Variants in YTHDC2 observed in about 807,000 individuals in gnomAD.
YTHDC2 encodes 3'-5' RNA helicase YTHDC2.
Under a neutral mutation model 174.9 loss-of-function variants are expected in YTHDC2, and 45 were observed. The observed-to-expected ratio is 0.26, with a 90% CI of 0.20 to 0.33. The LOEUF is 0.33. YTHDC2 is among the 10% of genes least tolerant of loss of function. The pLI, the probability that YTHDC2 is intolerant of heterozygous loss-of-function variation, is 1.00. For missense variants in YTHDC2, 1,650 were observed against 1,723.7 expected (o/e 0.96, Z 0.76); for synonymous variants, 657 against 574.5 (o/e 1.14, Z -2.05).
chr5:113,537,566 G>A (rs1015057792), intron 7 of YTHDC2, among the ~76,000 whole-genome samples: 3 of 146,042 alleles, frequency 2.1e-5, no homozygotes, highest in Non-Finnish European at 3.0e-5. Flanking sequence ...TGTTCGTTCC[G>A]TCTTCCTTCC....
At chr5:113,590,743 A>G (rs1306137772) in intron 26 of YTHDC2, among the ~76,000 whole-genome samples, 1 of 152,138 alleles carries the variant, frequency 6.6e-6, no homozygotes, top group Non-Finnish European at 1.5e-5. Context: ...TTGTTTTCTG[A>G]TTTTGAAAGT....
intron 7 of YTHDC2, among the ~76,000 whole-genome samples, chr5:113,537,242 T>C (rs1188683002): frequency 6.6e-6 from 1 of 152,214 alleles, no homozygotes; most frequent in Non-Finnish European, 1.5e-5. Context: ...TATAAGGCTA[T>C]TTATTTGAAT....
chr5:113,559,417 C>T (rs914187984), intron 17 of YTHDC2, among the ~76,000 whole-genome samples: 3 of 152,116 alleles, frequency 2.0e-5, no homozygotes, highest in Non-Finnish European at 4.4e-5. Flanking sequence ...GAGCAAATAT[C>T]ACATTTATGG....
intron 6 of YTHDC2, 45 bp downstream of exon 6, chr5:113,534,452 A>G (rs1774915858): frequency 6.6e-7 from 1 of 1,525,066 alleles, no homozygotes; most frequent in East Asian, 2.3e-5. Flanking sequence ...AGATTGCTTA[A>G]AATTTAAATA....
intron 26 of YTHDC2, among the ~76,000 whole-genome samples, chr5:113,588,422 G>C (rs1220750411): frequency 9.9e-5 from 15 of 151,908 alleles, no homozygotes; most frequent in Admixed American, 6.6e-4. Flanking sequence ...TTCATGAGGG[G>C]TATTATTCTG....
At chr5:113,586,119 C>T in intron 26 of YTHDC2, among the ~76,000 whole-genome samples, 1 of 152,064 alleles carries the variant, frequency 6.6e-6, no homozygotes, top group East Asian at 1.9e-4. Flanking sequence ...TTTTGCATTT[C>T]CTTTAACAAT....
rs1159754942 is a variant in YTHDC2, at chr5:113,545,728, A to ATTT, written c.1496-2785_1496-2783dup. Among the ~76,000 whole-genome samples, 17 of 49,482 alleles carry ATTT rather than the reference A, an allele frequency of 3.4e-4. 2 individuals carry two copies. Among genetic ancestry groups the ATTT allele is most frequent in the South Asian group, 1.6e-3 (3 of 1,862 alleles). The allele number at this position is 49,482 out of a possible 152,430, so 32.5% of individuals were successfully genotyped here. On this transcript the variant is annotated intron_variant, in intron 10 of 29. Coordinates refer to ENST00000161863, the MANE Select transcript of YTHDC2 (RefSeq NM_022828.5). Reference sequence around the variant, plus strand: ...ATTTTTTGAAAAATAATTGATCTCCATTTTTTTTTTTTTTTTTTTTTTTTT... The same window carrying ATTT: ...ATTTTTTGAAAAATAATTGATCTCCATTTTTTTTTTTTTTTTTTTTTTTTTTTT...
rs1779173836 is a variant in YTHDC2 at position 113,594,729 on chromosome 5, A to G, written c.*1255A>G. On this transcript the variant is annotated 3_prime_UTR_variant, in exon 30 of 30. Transcript: ENST00000161863. ...CAGGTTTGATGGCACTTCTCATGAT[A>G]CATTTTAGTTATTCTTATAAAAGCA... is the stretch of plus-strand genomic sequence containing the variant. 6.6e-6 allele frequency: 1 copy of G among 152,162 alleles called. No homozygotes were observed. Among genetic ancestry groups the G allele is most frequent in the Non-Finnish European group, 1.5e-5 (1 of 68,026 alleles). The allele number at this position is 152,162 out of a possible 1,614,324, so 9.4% of individuals were successfully genotyped here. A position where few individuals can be genotyped will look rare whatever the true frequency, so the allele number is the denominator to read the frequency against.
chr5:113,542,548 T>G (rs1036511678), intron 10 of YTHDC2, 45 bp downstream of exon 10: 2 of 1,544,678 alleles, frequency 1.3e-6, no homozygotes, highest in African/African-American at 2.8e-5. Context: ...CAGTTATTTA[T>G]GGTGGAAGTA....
intron 12 of YTHDC2, among the ~76,000 whole-genome samples, chr5:113,551,760 C>T (rs1776267414): frequency 1.3e-5 from 2 of 152,190 alleles, no homozygotes; most frequent in African/African-American, 4.8e-5. Context: ...TATAATAAAA[C>T]ATTTACAAGA....
intron 6 of YTHDC2, among the ~76,000 whole-genome samples, chr5:113,534,980 G>A (rs891339425): frequency 6.6e-6 from 1 of 152,164 alleles, no homozygotes; most frequent in Non-Finnish European, 1.5e-5. Flanking sequence ...CAAACCAAAG[G>A]ATGCACTTCA....
At chr5:113,581,824 A>T in intron 25 of YTHDC2, 115 bp downstream of exon 25, 1 of 919,042 alleles carries the variant, frequency 1.1e-6, no homozygotes, top group Non-Finnish European at 1.5e-6. Flanking sequence ...ATAATCTAAG[A>T]TCCATGAAAA....
At chr5:113,514,373 T>C in intron 1 of YTHDC2, 1 of 631,464 alleles carries the variant, frequency 1.6e-6, no homozygotes, top group Non-Finnish European at 2.9e-6. Context: ...TAAGCCACCG[T>C]GTTTCAGATA....
intron 26 of YTHDC2, among the ~76,000 whole-genome samples, chr5:113,590,175 C>G (rs1778931116): frequency 6.6e-6 from 1 of 152,130 alleles, no homozygotes; most frequent in Non-Finnish European, 1.5e-5. Flanking sequence ...TGTTGGGCAG[C>G]TAGGTTTTTG....
chr5:113,533,468 G>A (rs1263280718), intron 5 of YTHDC2, among the ~76,000 whole-genome samples: 1 of 151,740 alleles, frequency 6.6e-6, no homozygotes, highest in Non-Finnish European at 1.5e-5. Flanking sequence ...AGAATCGTTT[G>A]AACCCGGAAG....
chr5:113,538,247 A>G lies in YTHDC2; in HGVS notation c.1103-827A>G, dbSNP rs564913694. Among the ~76,000 whole-genome samples, 32 of 152,316 alleles carry G rather than the reference A, an allele frequency of 2.1e-4. 1 individual carries two copies. The highest frequency in any genetic ancestry group is 1.3e-3 in the Admixed American group (20 of 15,292). On this transcript the variant is annotated intron_variant, in intron 7 of 29. Transcript: ENST00000161863. ...TAGCTGCTACTTGGCTTGACGTAGC[A>G]TTCTGCTGTCTTTAAATCCATTCTC...
chr5:113,550,819 A>G (rs1776206918), intron 12 of YTHDC2, among the ~76,000 whole-genome samples: 1 of 152,122 alleles, frequency 6.6e-6, no homozygotes. Context: ...CTGTAAAACC[A>G]ATCGAATTAA....
At chr5:113,539,432 C>T (rs564630733) in intron 8 of YTHDC2, among the ~76,000 whole-genome samples, 17 of 152,184 alleles carry the variant, frequency 1.1e-4, no homozygotes, top group Admixed American at 2.0e-4. Flanking sequence ...TCCAAACATT[C>T]AGCCACCTTT....
At chr5:113,533,664 G>C (rs928611509) in intron 5 of YTHDC2, among the ~76,000 whole-genome samples, 10 of 152,152 alleles carry the variant, frequency 6.6e-5, no homozygotes, top group African/African-American at 2.4e-4. Context: ...GTACAGGTTT[G>C]ATGTGAAGTT....
Sources: allele counts gnomAD v4.1 joint callset (sites outside exome capture counted in the v4.1 genomes callset), GRCh38; gene constraint gnomAD v4.1.1; transcripts MANE v1.5; gene names NCBI Gene and HGNC (gene_info 2026-07-23, HGNC 2026-07-21).